The following PLD1 variants were observed in gnomAD, a reference collection of about 807,000 sequenced individuals.
PLD1 encodes the protein phospholipase D1.
Under a neutral mutation model 137.1 loss-of-function variants are expected in PLD1, and 112 were observed. The ratio of observed to expected loss-of-function variants is 0.82; its 90% CI spans 0.70 to 0.96. The LOEUF (loss-of-function observed/expected upper bound fraction) is 0.96, where lower values mean the gene tolerates loss of function less well. Among genes scored for constraint, PLD1 ranks in the 40% least tolerant of loss-of-function variants. The pLI is 0.00. For synonymous variants in PLD1, 431 were observed against 454.7 expected (o/e 0.95, Z 0.66); for missense variants, 1,321 against 1,342.0 (o/e 0.98, Z 0.24).
chr3:171,682,397 CAGG>C (rs1714105273), intron 16 of PLD1, among the ~76,000 whole-genome samples: 1 of 152,014 alleles, frequency 6.6e-6, no homozygotes, highest in Non-Finnish European at 1.5e-5. Context: ...TGTATGACAC[CAGG>C]AGGTTTAATT....
Position 171,709,240 on chromosome 3 carries a change from T to C in PLD1, c.1061+320A>G, listed in dbSNP as rs545233084. On this transcript the variant is annotated intron_variant, in intron 10 of 26. Coordinates refer to ENST00000351298, the MANE Select transcript of PLD1 (RefSeq NM_002662.5). The stretch of plus-strand genomic sequence containing the variant: ...TTATTTAAAAGAAATATCTAGCAAG[T>C]AAATGCTTTTTCCTAAATTAGGGGT... Among the ~76,000 whole-genome samples the C allele has an allele frequency of 1.3e-4, 20 of 152,338 alleles. No homozygotes were observed. The South Asian group carries it at 4.1e-3, about 32-fold the overall frequency.
intron 23 of PLD1, among the ~76,000 whole-genome samples, chr3:171,638,830 G>C (rs969046045): frequency 3.9e-5 from 6 of 152,084 alleles, no homozygotes; most frequent in Non-Finnish European, 7.4e-5. Context: ...TTGAATTCGT[G>C]GATTCACTAA....
At chr3:171,609,554 A>ACC (rs1732493480) in intron 25 of PLD1, among the ~76,000 whole-genome samples, 1 of 122,420 alleles carries the variant, frequency 8.2e-6, no homozygotes, top group African/African-American at 4.5e-5. Context: ...ACACACACAC[A>ACC]CCAGAGAAAA....
At chr3:171,629,266 C>T (rs867309339) in intron 23 of PLD1, among the ~76,000 whole-genome samples, 1 of 152,082 alleles carries the variant, frequency 6.6e-6, no homozygotes, top group Non-Finnish European at 1.5e-5. Flanking sequence ...TTCACAATTG[C>T]TTCAAAGAGA....
chr3:171,640,979 G>A (rs1192323458), intron 23 of PLD1, among the ~76,000 whole-genome samples: 1 of 152,206 alleles, frequency 6.6e-6, no homozygotes, highest in Non-Finnish European at 1.5e-5. Flanking sequence ...CTTGCACTGA[G>A]CAAGGTCTGA....
At chr3:171,704,226 T>C (rs1296247568) in intron 11 of PLD1, among the ~76,000 whole-genome samples, 1 of 152,110 alleles carries the variant, frequency 6.6e-6, no homozygotes, top group Non-Finnish European at 1.5e-5. Context: ...GTGGCACACA[T>C]ATGGGGCAGA....
At chr3:171,807,916 C>T (rs1445206710) in intron 1 of PLD1, among the ~76,000 whole-genome samples, 4 of 152,168 alleles carry the variant, frequency 2.6e-5, no homozygotes, top group Admixed American at 2.0e-4. Context: ...CAATCGTGTC[C>T]TTTGTAGAAA....
rs561329675 is a variant in PLD1, at chr3:171,612,903, C to T, written c.2729-471G>A. Among the ~76,000 whole-genome samples the T allele has an allele frequency of 1.3e-5, 2 of 152,304 alleles. No homozygotes were observed. Among genetic ancestry groups the T allele is most frequent in the African/African-American group, 4.8e-5 (2 of 41,560 alleles). The stretch of plus-strand genomic sequence containing the variant: ...GAAAAAAGAGCCAGGCATGGTGGCT[C>T]ATGTCTGTAATCCCAGTGCTTTGAG... On this transcript the variant is annotated intron_variant, in intron 24 of 26. Coordinates refer to ENST00000351298, the MANE Select transcript of PLD1 (RefSeq NM_002662.5). This position sits in a 1 kb window ranked among gnomAD's most constrained non-coding sequence, Gnocchi z 4.1.
chr3:171,609,973 A>G (rs896509032), intron 25 of PLD1, among the ~76,000 whole-genome samples: 1 of 152,222 alleles, frequency 6.6e-6, no homozygotes, highest in Non-Finnish European at 1.5e-5. Flanking sequence ...GCAATTTATG[A>G]AAAAAATTAT....
Position 171,760,104 on chromosome 3 carries a change from TTTATTCCCGTTTTAAAAATAAA to T in PLD1, c.-31-22044_-31-22023del, listed in dbSNP as rs562591989. 2.3e-3 allele frequency among the ~76,000 whole-genome samples: 356 copies of T among 152,318 alleles called. 1 individual carries two copies. Among genetic ancestry groups the T allele is most frequent in the African/African-American group, 8.0e-3 (333 of 41,568 alleles). ...CCAAGAAGTATATTTGACTTTTTTATTTATTCCCGTTTTAAAAATAAATTACATTTATTTTTTAAAATTACAT... is the reference window on the plus strand; with the variant it reads ...CCAAGAAGTATATTTGACTTTTTTATTTACATTTATTTTTTAAAATTACAT... On this transcript the variant is annotated intron_variant, in intron 1 of 26. Coordinates refer to ENST00000351298, the MANE Select transcript of PLD1 (RefSeq NM_002662.5).
chr3:171,718,866 C>T (rs1717872614), intron 8 of PLD1, among the ~76,000 whole-genome samples: 1 of 152,192 alleles, frequency 6.6e-6, no homozygotes, highest in South Asian at 2.1e-4. Context: ...ACATGCTTAG[C>T]ACAGTGCCTG....
intron 9 of PLD1, 65 bp downstream of exon 9, chr3:171,713,828 G>A (rs1273210339): frequency 5.8e-6 from 8 of 1,386,682 alleles, no homozygotes; most frequent in Admixed American, 1.9e-5. Context: ...TTTACTTAAG[G>A]TTGAGAAAAA....
chr3:171,709,071 A>C (rs1478800640), intron 10 of PLD1, among the ~76,000 whole-genome samples: 1 of 152,184 alleles, frequency 6.6e-6, no homozygotes, highest in Non-Finnish European at 1.5e-5. Flanking sequence ...AGAACAACAA[A>C]TTTATTGAGC....
In PLD1 at chr3:171,762,053, T is replaced by C. The variant is rs1273388978; in HGVS notation, c.-31-23971A>G. ...TACTGTGAACTTTATCATTCAACCA[T>C]ATGTAAAATGTTACAATCATTTTAT... On this transcript the variant is annotated intron_variant, in intron 1 of 26. Coordinates refer to ENST00000351298, the MANE Select transcript of PLD1 (RefSeq NM_002662.5). Among the ~76,000 whole-genome samples, 6 of 152,242 alleles carry C rather than the reference T, an allele frequency of 3.9e-5. No individual in the cohort carries two copies. The East Asian group carries it at 1.2e-3, about 29-fold the overall frequency.
At chr3:171,674,361 G>A (rs995784879) in intron 19 of PLD1, 139 bp downstream of exon 19, 81 of 480,304 alleles carry the variant, frequency 1.7e-4, no homozygotes, top group Non-Finnish European at 7.3e-5. Flanking sequence ...ATAATAACAA[G>A]TATTAAAAGA....
At chr3:171,606,382 C>A (rs1732204347) in intron 25 of PLD1, among the ~76,000 whole-genome samples, 1 of 152,160 alleles carries the variant, frequency 6.6e-6, no homozygotes, top group Admixed American at 6.5e-5. Context: ...ATAAATGGAA[C>A]TGGGGTTTGG....
intron 23 of PLD1, among the ~76,000 whole-genome samples, chr3:171,642,626 G>T (rs557833528): frequency 6.6e-6 from 1 of 151,826 alleles, no homozygotes; most frequent in Non-Finnish European, 1.5e-5. Flanking sequence ...TTACAAAGAT[G>T]CTCGGTTTTT....
intron 13 of PLD1, among the ~76,000 whole-genome samples, chr3:171,689,430 CT>C (rs537129048): frequency 8.9e-4 from 135 of 152,140 alleles, no homozygotes; most frequent in African/African-American, 3.1e-3. Flanking sequence ...TTTCATTTAC[CT>C]TTAGGTAAAA....
chr3:171,632,991 T>C (rs2422375), intron 23 of PLD1, among the ~76,000 whole-genome samples: 77,458 of 152,052 alleles, frequency 0.51, 20,770 homozygotes, highest in African/African-American at 0.68. Flanking sequence ...TTGTGAAAAA[T>C]GGCCTTGGGA....
Sources: gnomAD v4.1 joint callset for allele counts (sites outside exome capture counted in the v4.1 genomes callset) on GRCh38, gnomAD v4.1.1 for gene constraint, Gnocchi (gnomAD v3.1) non-coding constraint, MANE v1.5 for transcripts, NCBI Gene and HGNC (gene_info 2026-07-23, HGNC 2026-07-21) for gene names.